CHAF1A: variants seen among roughly 807,000 people sequenced by gnomAD.
CHAF1A encodes chromatin assembly factor 1 subunit A, also known as CAF-1 subunit A.
In CHAF1A, 5 loss-of-function variants were observed where a neutral mutation model predicts 93.2. That is an observed-to-expected ratio of 0.05 (90% confidence interval 0.03 to 0.11). CHAF1A has a LOEUF of 0.11. Among genes scored for constraint, CHAF1A ranks in the 10% least tolerant of loss-of-function variants. The probability of loss-of-function intolerance (pLI) is 1.00; values close to 1 mark genes in which losing one functional copy is unlikely to be tolerated. For missense variants in CHAF1A, 1,102 were observed against 1,259.9 expected, an observed-to-expected ratio of 0.87 and a Z score of 1.90; for synonymous variants, 504 against 510.3, an observed-to-expected ratio of 0.99 and a Z score of 0.17.
In CHAF1A at chr19:4,443,010, A is replaced by G. The variant is rs1198755768; in HGVS notation, c.2856A>G (p.Pro952=). 16 of 1,591,412 alleles carry G rather than the reference A, an allele frequency of 1.0e-5. No individual in the cohort carries two copies. The highest frequency in any genetic ancestry group is 1.4e-5 in the Non-Finnish European group (16 of 1,168,484). Residue 952 remains proline (P), a synonymous_variant, in exon 15 of 15, where the codon CCA becomes CCG. Coordinates refer to ENST00000301280, the MANE Select transcript of CHAF1A (RefSeq NM_005483.3). ...DTGKATLTAS[P]LGAS is the part of the protein sequence containing the mutation. ...GCAAGGCCACCCTGACCGCGAGCCC[A>G]CTGGGTGCATCCTGAGAGCAGGGGT...
rs762495228 is a variant in CHAF1A, at chr19:4,418,047, A to G, written c.988A>G (p.Thr330Ala). Residue 330 changes from threonine (T) to alanine (A), a missense_variant, in exon 4 of 15, where the codon ACA becomes GCA. Coordinates refer to ENST00000301280, the MANE Select transcript of CHAF1A (RefSeq NM_005483.3). ...AACTAAGAAATTCGTCAAAGGCTCT[A>G]CAGAGAAGAACAAGCTCAGACTGCA... ...RITKKFVKGS[T>A]EKNKLRLQRD... is the part of the protein sequence containing the mutation. 2 of 1,607,112 alleles carry G rather than the reference A, an allele frequency of 1.2e-6. No individual in the cohort carries two copies. Among genetic ancestry groups the G allele is most frequent in the African/African-American group, 1.3e-5 (1 of 74,706 alleles).
chr19:4,415,902 G>T (rs572325332), intron 3 of CHAF1A, among the ~76,000 whole-genome samples: 1 of 152,140 alleles, frequency 6.6e-6, no homozygotes, highest in Non-Finnish European at 1.5e-5. Flanking sequence ...GGCCGGGCGC[G>T]GTGGCTCACG....
rs1973802869 is a variant in CHAF1A, at chr19:4,411,644, C to CTTTTTTTTTTTTTTTTGTTTTTTTTTTTT, written c.960+1901_960+1902insGTTTTTTTTTTTTTTTTTTTTTTTTTTTT. The stretch of plus-strand genomic sequence containing the variant: ...GAAATGTTGTAAAAATGGTGCAAAT[C>CTTTTTTTTTTTTTTTTGTTTTTTTTTTTT]TTTTTTTTTTTTTTTTTTTTTGAGA... On this transcript the variant is annotated intron_variant, in intron 3 of 14. Coordinates refer to ENST00000301280, the MANE Select transcript of CHAF1A (RefSeq NM_005483.3). Among the ~76,000 whole-genome samples the CTTTTTTTTTTTTTTTTGTTTTTTTTTTTT allele has an allele frequency of 6.2e-5, 3 of 48,202 alleles. 1 individual carries two copies. Among genetic ancestry groups the CTTTTTTTTTTTTTTTTGTTTTTTTTTTTT allele is most frequent in the Non-Finnish European group, 1.2e-4 (3 of 24,610 alleles). The allele number at this position is 48,202 out of a possible 152,430, so 31.6% of individuals were successfully genotyped here.
At chr19:4,406,433 ATTTTT>A (rs35200206) in intron 2 of CHAF1A, among the ~76,000 whole-genome samples, 3 of 133,228 alleles carry the variant, frequency 2.3e-5, no homozygotes, top group Non-Finnish European at 1.6e-5. Flanking sequence ...TTGGATTGTA[ATTTTT>A]TTTTTTTTTT....
intron 10 of CHAF1A, chr19:4,430,049 C>G (rs891999043): frequency 2.4e-5 from 11 of 467,998 alleles, no homozygotes; most frequent in African/African-American, 2.0e-4. Flanking sequence ...CCACAGCCCC[C>G]TCTTGCCTCC....
Position 4,406,433 on chromosome 19 carries a change from A to ATTT in CHAF1A, c.103+488_103+490dup, listed in dbSNP as rs35200206. The stretch of plus-strand genomic sequence containing the variant: ...GGGCCAGATGAGCGGTTGGATTGTA[A>ATTT]TTTTTTTTTTTTTTTTTTTGAGACG... On this transcript the variant is annotated intron_variant, in intron 2 of 14. Transcript: ENST00000301280. Among the ~76,000 whole-genome samples the ATTT allele has an allele frequency of 2.9e-4, 39 of 133,214 alleles. 1 individual carries two copies. Among genetic ancestry groups the ATTT allele is most frequent in the African/African-American group, 7.9e-4 (28 of 35,522 alleles). The allele number at this position is 133,214 out of a possible 152,430, so 87.4% of individuals were successfully genotyped here.
At chr19:4,448,560 G>A (rs1483260878), downstream of CHAF1A, 4 of 696,780 alleles carry the variant, frequency 5.7e-6, no homozygotes, top group East Asian at 1.1e-4. Context: ...GAAAGGAAAA[G>A]AGAGACCCTC....
At chr19:4,418,666 C>T (rs541059851) in intron 4 of CHAF1A, among the ~76,000 whole-genome samples, 32 of 152,244 alleles carry the variant, frequency 2.1e-4, no homozygotes, top group Non-Finnish European at 2.6e-4. Flanking sequence ...CCGCCCGCCT[C>T]GGCCTCCCAG....
At position 4,433,415 on chromosome 19, in the gene CHAF1A, A is replaced by G. The variant is rs8100525; in HGVS notation, c.2549A>G (p.Lys850Arg). The G allele has an allele frequency of 0.021, 34,121 of 1,612,262 alleles. 920 individuals carry two copies. The highest frequency in any genetic ancestry group is 0.13 in the African/African-American group (9,976 of 74,942). The stretch of plus-strand genomic sequence containing the variant: ...GTGACATCGGTGCCCTCGGCCCCCA[A>G]AGAGGACAGTGGCAGCGTCCCCTCC... ...SYVTSVPSAP[K>R]EDSGSVPSTG... Residue 850 changes from lysine (K) to arginine (R), a missense_variant, in exon 13 of 15, where the codon AAA becomes AGA. Lys to Arg is a conservative substitution (Grantham distance 26, BLOSUM62 2). Coordinates refer to ENST00000301280, the MANE Select transcript of CHAF1A (RefSeq NM_005483.3). The surrounding 1 kb of genome is among the most constrained non-coding windows in gnomAD (Gnocchi z 5.6).
chr19:4,447,994 C>T (rs892769257), downstream of CHAF1A: 5 of 511,148 alleles, frequency 9.8e-6, no homozygotes, highest in African/African-American at 7.7e-5. Context: ...TGGCGGGCAG[C>T]GTGGACCTCC....
rs1345174312 is a variant in CHAF1A at position 4,409,749 on chromosome 19, C to G, written c.950C>G (p.Pro317Arg). The G allele has an allele frequency of 6.2e-7, 1 of 1,608,690 alleles. No individual in the cohort carries two copies. Among genetic ancestry groups the G allele is most frequent in the Non-Finnish European group, 8.5e-7 (1 of 1,176,230 alleles). The change falls in exon 3 of 15, where the codon CCC becomes CGC. Residue 317 changes from proline (P) to arginine (R), a missense_variant. Physicochemically the swap from Pro to Arg is moderately radical, Grantham distance 103. This residue lies in a region of CHAF1A where 379 missense variants were observed against 365.7 expected (regional missense o/e 1.04). Coordinates refer to ENST00000301280, the MANE Select transcript of CHAF1A (RefSeq NM_005483.3). Reference sequence around the variant, plus strand: ...ACCAGTCCCTTCCCCACCTCCACGCCCCTCCGCAGAGTGAGTATCTCCCAT... The same window carrying G: ...ACCAGTCCCTTCCCCACCTCCACGCGCCTCCGCAGAGTGAGTATCTCCCAT... ...SSTSPFPTSTPLRRITKKFVK... is the reference protein window; with the variant it reads ...SSTSPFPTSTRLRRITKKFVK...
In CHAF1A at chr19:4,433,490, G is replaced by T. The variant is rs1460349295; in HGVS notation, c.2624G>T (p.Gly875Val). The change falls in exon 13 of 15, where the codon GGC becomes GTC. Residue 875 changes from glycine (G) to valine (V), a missense_variant. By Grantham distance (109) the Gly-to-Val change is moderately radical. Coordinates refer to ENST00000301280, the MANE Select transcript of CHAF1A (RefSeq NM_005483.3). This position sits in a 1 kb window ranked among gnomAD's most constrained non-coding sequence, Gnocchi z 5.6. The part of the protein sequence containing the change: ...TPISLKRKSA[G>V]SMCITQFMKK... ...ATCTCGCTGAAGAGGAAGTCAGCGG[G>T]CAGCATGTGCATCACCCAATTCATG... 8.8e-6 allele frequency: 14 copies of T among 1,594,532 alleles called. No homozygotes were observed. The highest frequency in any genetic ancestry group is 1.2e-5 in the Non-Finnish European group (14 of 1,164,382).
At position 4,442,324 on chromosome 19, in the gene CHAF1A, A is replaced by G; in HGVS notation, c.2753A>G (p.Asp918Gly). 2.5e-6 allele frequency: 4 copies of G among 1,603,030 alleles called. No homozygotes were observed. In the South Asian group the frequency reaches 3.3e-5, roughly 13 times the overall value. ...GAGGAGGGCGACTGTATGATCGTGG[A>G]TGTCCCGGATGCTGCGGGTGAGAAG... ...EEEEGDCMIV[D>G]VPDAAEVQAP... Residue 918 changes from aspartate (D) to glycine (G), a missense_variant, in exon 14 of 15, where the codon GAT becomes GGT. Coordinates refer to ENST00000301280, the MANE Select transcript of CHAF1A (RefSeq NM_005483.3).
chr19:4,448,136 G>A (rs1372295918), downstream of CHAF1A: 2 of 613,586 alleles, frequency 3.3e-6, no homozygotes, highest in Admixed American at 5.7e-5. Context: ...GTAAACTGAG[G>A]CCCAAGGAGG....
chr19:4,436,274 G>A (rs1974282212), intron 13 of CHAF1A, among the ~76,000 whole-genome samples: 1 of 152,198 alleles, frequency 6.6e-6, no homozygotes, highest in Non-Finnish European at 1.5e-5. Flanking sequence ...ATCTCCCTCA[G>A]CTGTCACAGC....
In CHAF1A at chr19:4,433,608, GT is replaced by G. The variant is rs1191235123; in HGVS notation, c.2673+78del. 37 of 1,281,698 alleles carry G rather than the reference GT, an allele frequency of 2.9e-5. 1 individual carries two copies. The highest frequency in any genetic ancestry group is 4.6e-4 in the Middle Eastern group (2 of 4,308). The allele number at this position is 1,281,698 out of a possible 1,614,324, so 79.4% of individuals were successfully genotyped here. ...TTTTTTGTTTGTTTTTTGTTGTTTT[GT>G]TTTTTTTTCGAGATGGAGTCCTGCT... On this transcript the variant is annotated intron_variant, in intron 13 of 14. Coordinates refer to ENST00000301280, the MANE Select transcript of CHAF1A (RefSeq NM_005483.3). The surrounding 1 kb of genome is among the most constrained non-coding windows in gnomAD (Gnocchi z 5.6).
At chr19:4,441,070 C>T (rs1974379173) in intron 13 of CHAF1A, among the ~76,000 whole-genome samples, 1 of 151,392 alleles carries the variant, frequency 6.6e-6, no homozygotes, top group African/African-American at 2.4e-5. Flanking sequence ...GTAATCCCAG[C>T]ACTTTGGGAG....
intron 1 of CHAF1A, among the ~76,000 whole-genome samples, chr19:4,403,715 C>T (rs754929331): frequency 6.6e-6 from 1 of 152,262 alleles, no homozygotes; most frequent in African/African-American, 2.4e-5. Context: ...TGCCCTGTGT[C>T]CCCTATGGGG....
chr19:4,446,082 C>T (rs1338354377), downstream of CHAF1A: 4 of 1,612,722 alleles, frequency 2.5e-6, no homozygotes, highest in East Asian at 6.7e-5. Context: ...GGTTCTCGTC[C>T]TCGGACAGCT....
Sources: allele counts gnomAD v4.1 joint callset (sites outside exome capture counted in the v4.1 genomes callset), GRCh38; gene constraint gnomAD v4.1.1; regional missense constraint gnomAD v4.1.1; non-coding constraint Gnocchi (gnomAD v3.1); transcripts MANE v1.5; gene names NCBI Gene and HGNC (gene_info 2026-07-23, HGNC 2026-07-21).